The following XKR4 variants were observed in gnomAD, a reference collection of about 807,000 sequenced individuals.
The protein encoded by XKR4 is XK-related protein 4.
Under a neutral mutation model 53.9 loss-of-function variants are expected in XKR4, and 12 were observed. The observed-to-expected ratio is 0.22, with a 90% CI of 0.14 to 0.36. The LOEUF is 0.36. XKR4 is among the 10% of genes least tolerant of loss of function. The pLI is 1.00. For missense variants in XKR4, 799 were observed against 859.5 expected (o/e 0.93, Z 0.88); for synonymous variants, 354 against 362.4 (o/e 0.98, Z 0.26).
intron 2 of XKR4, among the ~76,000 whole-genome samples, chr8:55,384,402 A>G (rs1804279892): frequency 6.6e-6 from 1 of 152,224 alleles, no homozygotes; most frequent in Non-Finnish European, 1.5e-5. Context: ...TTAACTTGTC[A>G]GATTATGGTT....
intron 1 of XKR4, among the ~76,000 whole-genome samples, chr8:55,263,385 G>A (rs1199248431): frequency 6.6e-6 from 1 of 152,126 alleles, no homozygotes; most frequent in African/African-American, 2.4e-5. Context: ...TGCACCCCAT[G>A]TTGTCTTCTT....
chr8:55,415,296 G>A (rs2129391731), intron 2 of XKR4, among the ~76,000 whole-genome samples: 1 of 152,274 alleles, frequency 6.6e-6, no homozygotes, highest in East Asian at 1.9e-4. Flanking sequence ...GGAGGGCAAG[G>A]GCACCTCACT....
At chr8:55,509,930 T>C (rs975643317) in intron 2 of XKR4, among the ~76,000 whole-genome samples, 1 of 152,194 alleles carries the variant, frequency 6.6e-6, no homozygotes, top group African/African-American at 2.4e-5. Flanking sequence ...GTTTTCTGAA[T>C]GATGGAGGTA....
chr8:55,257,846 G>A (rs756387811), intron 1 of XKR4, among the ~76,000 whole-genome samples: 2 of 152,156 alleles, frequency 1.3e-5, no homozygotes, highest in Non-Finnish European at 2.9e-5. Context: ...CATCTAAAAT[G>A]TATCTCAGGT....
At chr8:55,309,239 A>G (rs185023205) in intron 1 of XKR4, among the ~76,000 whole-genome samples, 69 of 152,342 alleles carry the variant, frequency 4.5e-4, no homozygotes, top group Admixed American at 3.3e-3. Context: ...GCAATAGAAA[A>G]AGCACCAACA....
At chr8:55,452,049 G>A (rs1805456837) in intron 2 of XKR4, 1 of 728,326 alleles carries the variant, frequency 1.4e-6, no homozygotes. Flanking sequence ...TCTGAGGGAA[G>A]GACCCTTGTT....
chr8:55,437,466 C>T (rs1805192990), intron 2 of XKR4, among the ~76,000 whole-genome samples: 1 of 152,212 alleles, frequency 6.6e-6, no homozygotes, highest in African/African-American at 2.4e-5. Flanking sequence ...GGGTTTACAA[C>T]ATGAGTCCAA....
chr8:55,296,837 T>A (rs1819108221), intron 1 of XKR4, among the ~76,000 whole-genome samples: 1 of 152,294 alleles, frequency 6.6e-6, no homozygotes, highest in Non-Finnish European at 1.5e-5. Context: ...AAAACATGTA[T>A]GTGTTTATGA....
chr8:55,301,847 G>GT lies in XKR4; in HGVS notation c.807-55824dup, dbSNP rs553493187. On this transcript the variant is annotated intron_variant, in intron 1 of 2. Coordinates refer to ENST00000327381, the MANE Select transcript of XKR4 (RefSeq NM_052898.2). ...TGCCCACTTTTTGATGGGGTTGTTTGTTTTTTTCTTGTAAATTGTTTGAGT... is the reference window on the plus strand; with the variant it reads ...TGCCCACTTTTTGATGGGGTTGTTTGTTTTTTTTCTTGTAAATTGTTTGAGT... 3.8e-3 allele frequency among the ~76,000 whole-genome samples: 581 copies of GT among 152,148 alleles called. 2 individuals are homozygous for GT. Among genetic ancestry groups the GT allele is most frequent in the Non-Finnish European group, 5.6e-3 (382 of 68,002 alleles).
chr8:55,300,838 G>A (rs1819183059), intron 1 of XKR4, among the ~76,000 whole-genome samples: 2 of 152,100 alleles, frequency 1.3e-5, no homozygotes, highest in African/African-American at 4.8e-5. Flanking sequence ...TTTTCAGAAG[G>A]CAGCTTTTGG....
At chr8:55,500,988 C>A (rs1245653001) in intron 2 of XKR4, among the ~76,000 whole-genome samples, 1 of 152,074 alleles carries the variant, frequency 6.6e-6, no homozygotes, top group Non-Finnish European at 1.5e-5. Flanking sequence ...AGGAGAGATG[C>A]AAGATAGAGT....
At position 55,217,058 on chromosome 8, in the gene XKR4, T is replaced by C. The variant is rs191269497; in HGVS notation, c.806+113764T>C. The stretch of plus-strand genomic sequence containing the variant: ...GAGATCGAGACCATCCTGGCCAACA[T>C]GGTGAAACACTGTCTCTATTGAAAA... On this transcript the variant is annotated intron_variant, in intron 1 of 2. Transcript: ENST00000327381. 3.9e-3 allele frequency among the ~76,000 whole-genome samples: 596 copies of C among 151,916 alleles called. 6 individuals are homozygous for C. The highest frequency in any genetic ancestry group is 0.014 in the African/African-American group (562 of 41,450).
At chr8:55,230,543 T>G (rs892612829) in intron 1 of XKR4, among the ~76,000 whole-genome samples, 5 of 152,036 alleles carry the variant, frequency 3.3e-5, no homozygotes, top group Admixed American at 1.3e-4. Flanking sequence ...AATTTTCATA[T>G]TTTTAGTAGA....
chr8:55,230,944 T>C lies in XKR4; in HGVS notation c.807-126734T>C, dbSNP rs144225126. ...TCCATCCTTCCACACTCATCTCTCC[T>C]CCTGCCTTCAGCTGCTCAGTCTGAT... On this transcript the variant is annotated intron_variant, in intron 1 of 2. Transcript: ENST00000327381. Among the ~76,000 whole-genome samples the C allele has an allele frequency of 7.2e-4, 110 of 152,206 alleles. No homozygotes were observed. In the Middle Eastern group the frequency reaches 0.01, roughly 14 times the overall value.
intron 1 of XKR4, among the ~76,000 whole-genome samples, chr8:55,326,470 T>TG (rs1803295504): frequency 6.9e-6 from 1 of 144,488 alleles, no homozygotes; most frequent in African/African-American, 2.5e-5. Context: ...TTTTTTTCCT[T>TG]TTTTTTTTTT....
At chr8:55,457,049 GA>G (rs561925112) in intron 2 of XKR4, among the ~76,000 whole-genome samples, 1 of 150,480 alleles carries the variant, frequency 6.6e-6, no homozygotes, top group East Asian at 1.9e-4. Flanking sequence ...ATCAGATATG[GA>G]AAAAAATATG....
At chr8:55,405,834 T>C (rs1284385323) in intron 2 of XKR4, among the ~76,000 whole-genome samples, 1 of 152,168 alleles carries the variant, frequency 6.6e-6, no homozygotes, top group Non-Finnish European at 1.5e-5. Flanking sequence ...CAGAGGCCTC[T>C]GTTAAAGGAG....
intron 2 of XKR4, among the ~76,000 whole-genome samples, chr8:55,361,399 G>A (rs904569375): frequency 6.6e-6 from 1 of 152,146 alleles, no homozygotes; most frequent in African/African-American, 2.4e-5. Flanking sequence ...CACATGGAGG[G>A]TGCTGCTCTC....
intron 1 of XKR4, among the ~76,000 whole-genome samples, chr8:55,241,407 A>ATT (rs1329907742): frequency 6.6e-6 from 1 of 152,050 alleles, no homozygotes; most frequent in African/African-American, 2.4e-5. Context: ...AATAAGAGTT[A>ATT]TTTTTTAAGC....
Sources: allele counts gnomAD v4.1 joint callset (sites outside exome capture counted in the v4.1 genomes callset), GRCh38; gene constraint gnomAD v4.1.1; transcripts MANE v1.5; gene names NCBI Gene and HGNC (gene_info 2026-07-23, HGNC 2026-07-21).